Variants in PAXX observed in about 807,000 individuals in gnomAD.
The protein encoded by PAXX is protein PAXX.
A neutral mutation model predicts 25.6 loss-of-function variants in PAXX; 27 were observed. The ratio of observed to expected loss-of-function variants is 1.06; its 90% CI spans 0.78 to 1.46. The LOEUF (loss-of-function observed/expected upper bound fraction) is 1.46. Ranked by LOEUF, PAXX falls within the 40% of genes most tolerant of loss-of-function variation. The pLI is 0.00. For synonymous variants in PAXX, 126 were observed against 125.7 expected, an observed-to-expected ratio of 1.00 and a Z score of -0.02; for missense variants, 295 against 280.2, an observed-to-expected ratio of 1.05 and a Z score of -0.38.
Position 136,992,652 on chromosome 9 carries a change from C to G in PAXX, c.132C>G (p.Ala44=). Residue 44 remains alanine, a synonymous_variant, in exon 2 of 7, where the codon GCC becomes GCG. Transcript: ENST00000371620. The part of the protein sequence containing the change: ...RGGFNLYVTD[A]AELWSTCFTP... ...CCTTCTCCCCCAGCGTGACCGACGC[C>G]GCGGAGCTTTGGAGCACCTGCTTCA... The G allele has an allele frequency of 6.5e-7, 1 of 1,541,362 alleles. No homozygotes were observed. Among genetic ancestry groups the G allele is most frequent in the Admixed American group, 2.0e-5 (1 of 51,000 alleles).
chr9:136,993,893 C>T lies in PAXX; in HGVS notation c.*88C>T. ...GCCCCCATCAGAGACCCCCCGCCAC[C>T]ACCTCCACCTGCCTGTCCTGGGCCA... On this transcript the variant is annotated 3_prime_UTR_variant, in exon 7 of 7. Transcript: ENST00000371620. The T allele has an allele frequency of 1.5e-6, 2 of 1,304,458 alleles. No homozygotes were observed. Among genetic ancestry groups the T allele is most frequent in the Non-Finnish European group, 2.2e-6 (2 of 928,020 alleles). The allele number at this position is 1,304,458 out of a possible 1,614,324, so 80.8% of individuals were successfully genotyped here. A position where few individuals can be genotyped will look rare whatever the true frequency, so the allele number is the denominator to read the frequency against.
At chr9:136,992,900 C>T in intron 2 of PAXX, 25 bp from the exon 3 acceptor site, 2 of 1,613,246 alleles carry the variant, frequency 1.2e-6, no homozygotes, top group East Asian at 2.2e-5. Flanking sequence ...CCAGGCAGCT[C>T]GTGACAAGCC....
At position 136,992,474 on chromosome 9, in the gene PAXX, CT is replaced by C. The variant is rs1382550718; in HGVS notation, c.32del (p.Leu11ArgfsTer31). On this transcript the variant is annotated frameshift_variant, in exon 1 of 7. Coordinates refer to ENST00000371620, the MANE Select transcript of PAXX (RefSeq NM_183241.3). LOFTEE classifies it high-confidence loss of function. MDPLSPPLCTLPPGPEPPRFV... is the reference protein window; with the variant it reads MDPLSPPLCTXPPGPEPPRFV... Reference sequence around the variant, plus strand: ...TCCGCTGTCGCCGCCGCTCTGCACGCTGCCGCCGGGCCCCGAGCCGCCCCGC... The same window carrying C: ...TCCGCTGTCGCCGCCGCTCTGCACGCGCCGCCGGGCCCCGAGCCGCCCCGC... The C allele has an allele frequency of 7.2e-7, 1 of 1,383,150 alleles. No homozygotes were observed. The highest frequency in any genetic ancestry group is 9.4e-7 in the Non-Finnish European group (1 of 1,064,052). 85.7% of individuals were successfully genotyped at this position (1,383,150 alleles called of 1,614,324 possible).
In PAXX at chr9:136,993,807, GGTGC is replaced by G; in HGVS notation, c.*3_*6del. On this transcript the variant is annotated 3_prime_UTR_variant, in exon 7 of 7. Transcript: ENST00000371620. ...GGCGTGGACTTCGATGAGACCTGAA[GGTGC>G]AGCACAAGCGTGGCCCCGCGGGGAG... 1 of 1,613,748 alleles carries G rather than the reference GGTGC, an allele frequency of 6.2e-7. No homozygotes were observed. Among genetic ancestry groups the G allele is most frequent in the Non-Finnish European group, 8.5e-7 (1 of 1,180,002 alleles).
intron 2 of PAXX, 89 bp from the exon 3 acceptor site, chr9:136,992,836 G>C (rs1484200211): frequency 3.7e-6 from 6 of 1,600,120 alleles, no homozygotes; most frequent in Non-Finnish European, 5.1e-6. Context: ...TCCTCCCATT[G>C]GCTAGGGCTC....
chr9:136,992,714 C>T lies in PAXX; in HGVS notation c.180+14C>T. 6.5e-7 allele frequency: 1 copy of T among 1,540,736 alleles called. No homozygotes were observed. On this transcript the variant is annotated intron_variant, in intron 2 of 6. Coordinates refer to ENST00000371620, the MANE Select transcript of PAXX (RefSeq NM_183241.3). ...CTGGCGGCCCTCGTGGGTAACTGGG[C>T]GGGTCTGGGAGCCGCCACACCCCTC...
Position 136,993,173 on chromosome 9 carries a change from A to G in PAXX, c.351A>G (p.Ala117=), listed in dbSNP as rs753036605. ...TCTCCAAGGTACCAGGCCCAGAGGCAGCCCCCAGGCTGCGGGCGCTGACAC... is the reference window on the plus strand; with the variant it reads ...TCTCCAAGGTACCAGGCCCAGAGGCGGCCCCCAGGCTGCGGGCGCTGACAC... The part of the protein sequence containing the change: ...FDLSKVPGPE[A]APRLRALTLG... Residue 117 remains alanine (A), a synonymous_variant, in exon 4 of 7, where the codon GCA becomes GCG. Coordinates refer to ENST00000371620, the MANE Select transcript of PAXX (RefSeq NM_183241.3). The G allele has an allele frequency of 3.2e-6, 5 of 1,558,504 alleles. No homozygotes were observed. The East Asian group carries it at 1.1e-4, about 35-fold the overall frequency.
In PAXX at chr9:136,993,330, C is replaced by T; in HGVS notation, c.422-13C>T. 6.2e-7 allele frequency: 1 copy of T among 1,602,654 alleles called. No individual in the cohort carries two copies. The highest frequency in any genetic ancestry group is 8.5e-7 in the Non-Finnish European group (1 of 1,174,424). ...TGGCACTGAGTGGGGTTCCCATGGGCTTTCCTCCCCAGCTGCAGAAGAGAC... is the reference window on the plus strand; with the variant it reads ...TGGCACTGAGTGGGGTTCCCATGGGTTTTCCTCCCCAGCTGCAGAAGAGAC... On this transcript the variant is annotated splice_polypyrimidine_tract_variant and intron_variant, in intron 4 of 6. Coordinates refer to ENST00000371620, the MANE Select transcript of PAXX (RefSeq NM_183241.3).
chr9:136,992,609 G>A, intron 1 of PAXX, 31 bp from the exon 2 acceptor site: 1 of 1,532,452 alleles, frequency 6.5e-7, no homozygotes, highest in Non-Finnish European at 8.8e-7. Flanking sequence ...AGCTCCGCGG[G>A]CGGCCCCGCC....
intron 2 of PAXX, 108 bp from the exon 3 acceptor site, chr9:136,992,817 T>TA: frequency 6.3e-7 from 1 of 1,593,930 alleles, no homozygotes; most frequent in Non-Finnish European, 8.6e-7. Context: ...GCCCGCCCTG[T>TA]AGCTGTAGTC....
At position 136,993,114 on chromosome 9, in the gene PAXX, C is replaced by T. The variant is rs1295180136; in HGVS notation, c.292C>T (p.Leu98Phe). Reference sequence around the variant, plus strand: ...GCAGGAGGACAGAGCATCCCTGACGCTTTCAGGGGGGCCCTCGGCACTGGC... The same window carrying T: ...GCAGGAGGACAGAGCATCCCTGACGTTTTCAGGGGGGCCCTCGGCACTGGC... Reference protein sequence around the residue: ...TLQEDRASLTLSGGPSALAFD... With the variant: ...TLQEDRASLTFSGGPSALAFD... Residue 98 changes from leucine to phenylalanine, a missense_variant, in exon 4 of 7, where the codon CTT (leucine) becomes TTT (phenylalanine). Physicochemically the swap from Leu to Phe is conservative, Grantham distance 22. Coordinates refer to ENST00000371620, the MANE Select transcript of PAXX (RefSeq NM_183241.3). 1.2e-6 allele frequency: 2 copies of T among 1,604,652 alleles called. No individual in the cohort carries two copies. The highest frequency in any genetic ancestry group is 8.5e-7 in the Non-Finnish European group (1 of 1,175,608).
rs1830598732 is a variant in PAXX, at chr9:136,992,504, G to A, written c.61G>A (p.Val21Met). The A allele has an allele frequency of 1.4e-6, 2 of 1,423,564 alleles. No individual in the cohort carries two copies. Among genetic ancestry groups the A allele is most frequent in the Non-Finnish European group, 1.8e-6 (2 of 1,085,744 alleles). 88.2% of individuals were successfully genotyped at this position (1,423,564 alleles called of 1,614,324 possible). A position where few individuals can be genotyped will look rare whatever the true frequency, so the allele number is the denominator to read the frequency against. ...LPPGPEPPRF[V>M]CYCEGEESGE... ...GCCGGGCCCCGAGCCGCCCCGCTTCGTGTGCTACTGCGAAGGGGAGGAAAG... is the reference window on the plus strand; with the variant it reads ...GCCGGGCCCCGAGCCGCCCCGCTTCATGTGCTACTGCGAAGGGGAGGAAAG... The change falls in exon 1 of 7, where the codon GTG becomes ATG. Residue 21 changes from valine (V) to methionine (M), a missense_variant. Coordinates refer to ENST00000371620, the MANE Select transcript of PAXX (RefSeq NM_183241.3).
rs533510524 is a variant in PAXX at position 136,993,121 on chromosome 9, G to T, written c.299G>T (p.Gly100Val). 6.2e-7 allele frequency: 1 copy of T among 1,602,202 alleles called. No homozygotes were observed. Among genetic ancestry groups the T allele is most frequent in the East Asian group, 2.2e-5 (1 of 44,778 alleles). ...GACAGAGCATCCCTGACGCTTTCAG[G>T]GGGGCCCTCGGCACTGGCCTTTGAC... ...QEDRASLTLS[G>V]GPSALAFDLS... The change falls in exon 4 of 7, where the codon GGG becomes GTG. Residue 100 changes from glycine (G) to valine (V), a missense_variant. Coordinates refer to ENST00000371620, the MANE Select transcript of PAXX (RefSeq NM_183241.3).
Position 136,993,639 on chromosome 9 carries a change from T to A in PAXX, c.550T>A (p.Ser184Thr). ...AGTCAGGAGGCGGTGTCCAGGAGAGTCGCTCATCAACCCCGGGTTCAAGAG... is the reference window on the plus strand; with the variant it reads ...AGTCAGGAGGCGGTGTCCAGGAGAGACGCTCATCAACCCCGGGTTCAAGAG... ...PGVRRRCPGE[S>T]LINPGFKSKK... The change falls in exon 6 of 7, where the codon TCG (serine) becomes ACG (threonine). Residue 184 changes from serine (S) to threonine (T), a missense_variant. Transcript: ENST00000371620. The A allele has an allele frequency of 1.2e-6, 2 of 1,612,660 alleles. No homozygotes were observed. The highest frequency in any genetic ancestry group is 4.5e-5 in the East Asian group (2 of 44,824).
intron 1 of PAXX, 26 bp from the exon 2 acceptor site, chr9:136,992,614 C>T: frequency 6.5e-7 from 1 of 1,534,640 alleles, no homozygotes; most frequent in Non-Finnish European, 8.8e-7. Flanking sequence ...CGCGGGCGGC[C>T]CCGCCTGACA....
rs2131408601 is a variant in PAXX at position 136,993,885 on chromosome 9, C to G, written c.*80C>G. ...TCTTTGAGGCCCCCATCAGAGACCCCCCGCCACCACCTCCACCTGCCTGTC... is the reference window on the plus strand; with the variant it reads ...TCTTTGAGGCCCCCATCAGAGACCCGCCGCCACCACCTCCACCTGCCTGTC... On this transcript the variant is annotated 3_prime_UTR_variant, in exon 7 of 7. Transcript: ENST00000371620. 2.2e-6 allele frequency: 3 copies of G among 1,371,796 alleles called. No individual in the cohort carries two copies. Among genetic ancestry groups the G allele is most frequent in the Non-Finnish European group, 3.0e-6 (3 of 988,106 alleles). The allele number at this position is 1,371,796 out of a possible 1,614,324, so 85.0% of individuals were successfully genotyped here.
chr9:136,993,963 C>G lies in PAXX; in HGVS notation c.*158C>G. On this transcript the variant is annotated 3_prime_UTR_variant, in exon 7 of 7. Transcript: ENST00000371620. The stretch of plus-strand genomic sequence containing the variant: ...AATTCCTTCCCTGTCAAATAAACAG[C>G]TCCCTTGGTTGGAGGCTCTGGTGGG... 1.4e-6 allele frequency: 1 copy of G among 726,850 alleles called. No homozygotes were observed. Among genetic ancestry groups the G allele is most frequent in the Non-Finnish European group, 2.3e-6 (1 of 433,092 alleles). The allele number at this position is 726,850 out of a possible 1,614,324, so 45.0% of individuals were successfully genotyped here. A position where few individuals can be genotyped will look rare whatever the true frequency, so the allele number is the denominator to read the frequency against.
In PAXX at chr9:136,992,702, TGGGTAACTGGGC is replaced by T; in HGVS notation, c.180+7_180+18del. The stretch of plus-strand genomic sequence containing the variant: ...ACGCCGGACAGCCTGGCGGCCCTCG[TGGGTAACTGGGC>T]GGGTCTGGGAGCCGCCACACCCCTC... On this transcript the variant is annotated splice_donor_5th_base_variant and intron_variant, in intron 2 of 6. Transcript: ENST00000371620. The T allele has an allele frequency of 6.5e-7, 1 of 1,540,698 alleles. No individual in the cohort carries two copies. The highest frequency in any genetic ancestry group is 8.7e-7 in the Non-Finnish European group (1 of 1,147,010).
At chr9:136,993,442 G>T (rs768893299) in intron 5 of PAXX, 31 bp downstream of exon 5, 9 of 1,600,628 alleles carry the variant, frequency 5.6e-6, no homozygotes, top group Non-Finnish European at 7.7e-6. Context: ...ACTCAAGTAG[G>T]GCTGTGCTCT....
Sources: gnomAD v4.1 joint callset for allele counts on GRCh38, gnomAD v4.1.1 for gene constraint, MANE v1.5 for transcripts, NCBI Gene and HGNC (gene_info 2026-07-23, HGNC 2026-07-21) for gene names.